Variants in GRIA3 observed in about 807,000 individuals in gnomAD.
The protein encoded by GRIA3 is glutamate receptor 3.
Under a neutral mutation model 63.0 loss-of-function variants are expected in GRIA3, and 3 were observed. The observed-to-expected ratio is 0.05, with a 90% CI of 0.02 to 0.12. GRIA3 has a LOEUF of 0.12. Among genes scored for constraint, GRIA3 ranks in the 10% least tolerant of loss-of-function variants. The pLI is 1.00. For missense variants in GRIA3, 347 were observed against 700.9 expected (o/e 0.50, Z 5.70); for synonymous variants, 274 against 257.9 (o/e 1.06, Z -0.60).
At chrX:123,310,296 T>C (rs1325765939) in intron 3 of GRIA3, among the ~76,000 whole-genome samples, 1 of 112,955 alleles carries the variant, frequency 8.9e-6, no homozygotes, top group Non-Finnish European at 1.9e-5. Context: ...CTAAATTCAG[T>C]CACTGCCATG....
intron 12 of GRIA3, among the ~76,000 whole-genome samples, chrX:123,462,670 C>G (rs748168402): frequency 2.0e-4 from 22 of 111,456 alleles, no homozygotes; most frequent in Non-Finnish European, 3.2e-4. Context: ...TCCAGCCCCC[C>G]CTGGAATTAT....
chrX:123,342,461 T>C (rs1436319875), intron 4 of GRIA3, among the ~76,000 whole-genome samples: 3 of 112,179 alleles, frequency 2.7e-5, no homozygotes, highest in Non-Finnish European at 5.6e-5. Context: ...CTAAATAACC[T>C]GCACTGTGAC....
At chrX:123,220,037 G>A (rs1347262339) in intron 2 of GRIA3, among the ~76,000 whole-genome samples, 2 of 112,261 alleles carry the variant, frequency 1.8e-5, no homozygotes, top group Non-Finnish European at 3.8e-5. Context: ...GCAGACACAG[G>A]CTATGGGCAT....
intron 3 of GRIA3, among the ~76,000 whole-genome samples, chrX:123,258,155 T>A (rs1435503081): frequency 8.9e-6 from 1 of 112,566 alleles, no homozygotes; most frequent in Non-Finnish European, 1.9e-5. Flanking sequence ...GAGCAAAACC[T>A]TAACATCTCT....
At chrX:123,412,402 T>C (rs1569432553) in intron 10 of GRIA3, among the ~76,000 whole-genome samples, 1 of 112,074 alleles carries the variant, frequency 8.9e-6, no homozygotes, top group East Asian at 2.8e-4. Context: ...GTTTGTAATA[T>C]AAGTAAATTG....
intron 4 of GRIA3, among the ~76,000 whole-genome samples, chrX:123,339,903 C>A (rs767004562): frequency 1.2e-4 from 14 of 112,363 alleles, no homozygotes; most frequent in Non-Finnish European, 2.6e-4. Context: ...TTTCCGTCTG[C>A]CAGTACACTA....
intron 12 of GRIA3, among the ~76,000 whole-genome samples, chrX:123,462,464 C>G (rs914466850): frequency 3.6e-5 from 4 of 111,850 alleles, no homozygotes; most frequent in Non-Finnish European, 7.5e-5. Context: ...AAATGTGTTC[C>G]CATCTCAGTG....
At chrX:123,269,564 A>C (rs1253740459) in intron 3 of GRIA3, among the ~76,000 whole-genome samples, 1 of 111,235 alleles carries the variant, frequency 9.0e-6, no homozygotes, top group African/African-American at 3.3e-5. Flanking sequence ...CCAGGAGAGG[A>C]GCTGGGAAAC....
chrX:123,360,404 C>T (rs895493925), intron 5 of GRIA3, among the ~76,000 whole-genome samples: 4 of 107,374 alleles, frequency 3.7e-5, no homozygotes, highest in Admixed American at 2.0e-4. Context: ...CACGTTGGGC[C>T]GGGAGCGATG....
intron 2 of GRIA3, among the ~76,000 whole-genome samples, chrX:123,233,398 T>A (rs1430872866): frequency 2.7e-5 from 3 of 111,965 alleles, no homozygotes; most frequent in Non-Finnish European, 5.6e-5. Flanking sequence ...ATGCTAGCTA[T>A]GTTGAACAAG....
intron 12 of GRIA3, among the ~76,000 whole-genome samples, chrX:123,431,289 A>G (rs940264313): frequency 8.9e-6 from 1 of 112,433 alleles, no homozygotes; most frequent in African/African-American, 3.2e-5. Context: ...AGACATTTTT[A>G]CTTGTCCTGA....
chrX:123,304,185 A>G (rs2044741171), intron 3 of GRIA3, among the ~76,000 whole-genome samples: 1 of 111,266 alleles, frequency 9.0e-6, no homozygotes, highest in African/African-American at 3.3e-5. Flanking sequence ...TACATATTTT[A>G]TAGAAACTTT....
intron 2 of GRIA3, among the ~76,000 whole-genome samples, chrX:123,244,870 C>T (rs533457078): frequency 8.9e-6 from 1 of 112,501 alleles, no homozygotes; most frequent in African/African-American, 3.2e-5. Flanking sequence ...ATTTATTAAT[C>T]CATTAACAAT....
intron 3 of GRIA3, 38 bp downstream of exon 3, chrX:123,253,580 T>C: frequency 8.7e-7 from 1 of 1,152,103 alleles, no homozygotes; most frequent in Non-Finnish European, 1.2e-6. Flanking sequence ...TAGATATTCA[T>C]GTAATTGTGT....
intron 2 of GRIA3, among the ~76,000 whole-genome samples, chrX:123,244,853 A>C (rs1249691230): frequency 1.8e-5 from 2 of 112,805 alleles, no homozygotes. Context: ...CCCACTTACA[A>C]AGATTCATTT....
intron 2 of GRIA3, among the ~76,000 whole-genome samples, chrX:123,237,886 T>C (rs1168191841): frequency 1.8e-5 from 2 of 111,985 alleles, no homozygotes; most frequent in Non-Finnish European, 3.8e-5. Flanking sequence ...AGTTTTACTT[T>C]CAAGCCACTG....
intron 2 of GRIA3, among the ~76,000 whole-genome samples, chrX:123,207,535 C>A (rs1927922258): frequency 1.8e-5 from 2 of 111,727 alleles, no homozygotes; most frequent in Non-Finnish European, 3.8e-5. Flanking sequence ...GCTGAAAGGG[C>A]CACGAAATCC....
At chrX:123,297,718 TA>T (rs1192283513) in intron 3 of GRIA3, among the ~76,000 whole-genome samples, 1 of 111,318 alleles carries the variant, frequency 9.0e-6, no homozygotes. Context: ...TCTTGGAAAA[TA>T]TTTTTTTTAA....
At chrX:123,373,786 T>C (rs2045265679) in intron 5 of GRIA3, among the ~76,000 whole-genome samples, 1 of 111,791 alleles carries the variant, frequency 8.9e-6, no homozygotes, top group African/African-American at 3.3e-5. Context: ...TTGCAAAAAT[T>C]TTCTCCCATT....
Sources: allele counts gnomAD v4.1 joint callset (sites outside exome capture counted in the v4.1 genomes callset), GRCh38; gene constraint gnomAD v4.1.1; transcripts MANE v1.5; gene names NCBI Gene and HGNC (gene_info 2026-07-23, HGNC 2026-07-21).